The following CDH17 variants were observed in gnomAD, a reference collection of about 807,000 sequenced individuals.
The protein encoded by CDH17 is cadherin 17.
Under a neutral mutation model 86.3 loss-of-function variants are expected in CDH17, and 67 were observed. The observed-to-expected ratio is 0.78, with a 90% CI of 0.64 to 0.95. The LOEUF is 0.95. Among genes scored for constraint, CDH17 ranks in the 40% least tolerant of loss-of-function variants. CDH17 has a pLI of 0.00. For synonymous variants in CDH17, 367 were observed against 366.4 expected (o/e 1.00, Z -0.02); for missense variants, 993 against 1,017.6 (o/e 0.98, Z 0.33).
intron 10 of CDH17, among the ~76,000 whole-genome samples, chr8:94,164,752 C>T (rs759256636): frequency 2.6e-5 from 4 of 152,166 alleles, no homozygotes; most frequent in South Asian, 2.1e-4. Context: ...AAGATTAGTA[C>T]GCATTAACTC....
chr8:94,129,824 T>C (rs942415921), intron 17 of CDH17, among the ~76,000 whole-genome samples: 4 of 152,180 alleles, frequency 2.6e-5, no homozygotes, highest in Non-Finnish European at 5.9e-5. Flanking sequence ...ATACACAATA[T>C]TATTTAAAAT....
Position 94,162,108 on chromosome 8 carries a change from A to C in CDH17, c.1337T>G (p.Ile446Ser). ...CACATCTGATTTTTCAAAGATGGGGATCTGATCATTGATATCAATAACGTT... is the reference window on the plus strand; with the variant it reads ...CACATCTGATTTTTCAAAGATGGGGCTCTGATCATTGATATCAATAACGTT... ...QINVIDINDQIPIFEKSDYGN... is the reference protein window; with the variant it reads ...QINVIDINDQSPIFEKSDYGN... The change falls in exon 11 of 18, where the codon ATC becomes AGC. Residue 446 changes from isoleucine to serine, a missense_variant. By Grantham distance (142) the Ile-to-Ser change is moderately radical (BLOSUM62 -2). Coordinates refer to ENST00000027335, the MANE Select transcript of CDH17 (RefSeq NM_004063.4). The C allele has an allele frequency of 6.2e-7, 1 of 1,602,722 alleles. No individual in the cohort carries two copies. Among genetic ancestry groups the C allele is most frequent in the Non-Finnish European group, 8.5e-7 (1 of 1,169,784 alleles).
At chr8:94,165,176 G>A (rs1005438991) in intron 10 of CDH17, among the ~76,000 whole-genome samples, 10 of 152,182 alleles carry the variant, frequency 6.6e-5, no homozygotes, top group African/African-American at 2.2e-4. Context: ...ATTGACAACA[G>A]CTCCACTGCT....
chr8:94,204,947 A>G (rs1023521788), intron 1 of CDH17, among the ~76,000 whole-genome samples: 4 of 152,180 alleles, frequency 2.6e-5, no homozygotes, highest in Admixed American at 2.0e-4. Context: ...TGATGTTGTA[A>G]CCCATTTATA....
At chr8:94,133,212 T>A (rs1292761072) in intron 15 of CDH17, among the ~76,000 whole-genome samples, 1 of 152,204 alleles carries the variant, frequency 6.6e-6, no homozygotes, top group Non-Finnish European at 1.5e-5. Context: ...AGGTCATTGG[T>A]AGCTTGAAGG....
At chr8:94,166,312 G>A (rs541979473) in intron 9 of CDH17, among the ~76,000 whole-genome samples, 211 of 152,202 alleles carry the variant, frequency 1.4e-3, no homozygotes, top group African/African-American at 4.1e-3. Flanking sequence ...TTTTCCTTCC[G>A]GTGCCTTCAC....
chr8:94,177,196 A>G (rs779844595), intron 4 of CDH17, among the ~76,000 whole-genome samples: 2 of 152,118 alleles, frequency 1.3e-5, no homozygotes, highest in Non-Finnish European at 2.9e-5. Context: ...CCAACGCCCA[A>G]AGGAGCTCCA....
intron 10 of CDH17, among the ~76,000 whole-genome samples, chr8:94,163,036 T>C (rs1341052944): frequency 1.3e-5 from 2 of 152,246 alleles, no homozygotes; most frequent in African/African-American, 2.4e-5. Context: ...ACTCAATTTA[T>C]CTGTAAACTG....
intron 3 of CDH17, among the ~76,000 whole-genome samples, chr8:94,187,033 T>A (rs1421006389): frequency 1.3e-5 from 2 of 152,254 alleles, no homozygotes; most frequent in Non-Finnish European, 2.9e-5. Context: ...CTGCTCGTTT[T>A]TGAGTACTCA....
upstream of CDH17, among the ~76,000 whole-genome samples, chr8:94,212,803 T>C (rs1324242690): frequency 6.6e-6 from 1 of 152,238 alleles, no homozygotes; most frequent in Non-Finnish European, 1.5e-5. Context: ...TCCAAGCAAC[T>C]GCCCAGCAGG....
At position 94,158,756 on chromosome 8, in the gene CDH17, AG is replaced by A. The variant is rs1209323491; in HGVS notation, c.1551+1214del. ...AGCAACCTCTCTGCTGAAATGCAGCAGGGCCCTTGGTTCAAGCTGGAATGTT... is the reference window on the plus strand; with the variant it reads ...AGCAACCTCTCTGCTGAAATGCAGCAGGCCCTTGGTTCAAGCTGGAATGTT... On this transcript the variant is annotated intron_variant, in intron 12 of 17. Transcript: ENST00000027335. Among the ~76,000 whole-genome samples, 3 of 152,228 alleles carry A rather than the reference AG, an allele frequency of 2.0e-5. No homozygotes were observed. The South Asian group carries it at 6.2e-4, about 31-fold the overall frequency.
In CDH17 at chr8:94,159,883, A is replaced by T. The variant is rs184473306; in HGVS notation, c.1551+88T>A. On this transcript the variant is annotated intron_variant, in intron 12 of 17. Coordinates refer to ENST00000027335, the MANE Select transcript of CDH17 (RefSeq NM_004063.4). ...ATGCCTGAGAGATGGCTGCTAATAC[A>T]TCACCTCTGCTTATAGGTCTTCACA... The T allele has an allele frequency of 9.3e-5, 89 of 961,158 alleles. 1 individual carries two copies. Among genetic ancestry groups the T allele is most frequent in the African/African-American group, 9.0e-4 (54 of 60,084 alleles). The allele number at this position is 961,158 out of a possible 1,614,324, so 59.5% of individuals were successfully genotyped here. A position where few individuals can be genotyped will look rare whatever the true frequency, so the allele number is the denominator to read the frequency against.
At chr8:94,192,906 G>T (rs879622884) in intron 2 of CDH17, among the ~76,000 whole-genome samples, 2 of 152,208 alleles carry the variant, frequency 1.3e-5, no homozygotes, top group Non-Finnish European at 2.9e-5. Context: ...TCGCAGTCTG[G>T]AGTAAATTAG....
rs1812319195 is a variant in CDH17, at chr8:94,127,209, C to G, written c.*1031G>C. On this transcript the variant is annotated 3_prime_UTR_variant, in exon 18 of 18. Coordinates refer to ENST00000027335, the MANE Select transcript of CDH17 (RefSeq NM_004063.4). The stretch of plus-strand genomic sequence containing the variant: ...ACCAGTGTTTATTCTTGATTTGTCA[C>G]CACTCTTTTCATGTCTTGTTTTCTT... The G allele has an allele frequency of 6.6e-6, 1 of 152,230 alleles. No homozygotes were observed. The highest frequency in any genetic ancestry group is 1.5e-5 in the Non-Finnish European group (1 of 68,044). 9.4% of individuals were successfully genotyped at this position (152,230 alleles called of 1,614,324 possible). A position where few individuals can be genotyped will look rare whatever the true frequency, so the allele number is the denominator to read the frequency against.
At chr8:94,165,426 C>T (rs1459848602) in intron 10 of CDH17, among the ~76,000 whole-genome samples, 1 of 152,140 alleles carries the variant, frequency 6.6e-6, no homozygotes, top group Non-Finnish European at 1.5e-5. Flanking sequence ...AGGCATCAGG[C>T]TTGTATTTAG....
chr8:94,208,559 G>T (rs1413345663), upstream of CDH17: 1 of 152,156 alleles, frequency 6.6e-6, no homozygotes, highest in Non-Finnish European at 1.5e-5. Flanking sequence ...TACGACTGGA[G>T]TATCTCCCCC....
rs182078418 is a variant in CDH17, at chr8:94,208,173, T to G, written c.-21+310A>C. On this transcript the variant is annotated intron_variant, in intron 1 of 17. Transcript: ENST00000027335. ...TTATATACTCATCACAAAGAATGGA[T>G]GTGATACTTGTTTAAACATCAGAGA... is the stretch of plus-strand genomic sequence containing the variant. Among the ~76,000 whole-genome samples the G allele has an allele frequency of 1.0e-3, 155 of 152,326 alleles. 1 individual carries two copies. Among genetic ancestry groups the G allele is most frequent in the Admixed American group, 9.0e-3 (138 of 15,300 alleles).
Position 94,157,554 on chromosome 8 carries a change from G to A in CDH17, c.1551+2417C>T, listed in dbSNP as rs187279459. Reference sequence around the variant, plus strand: ...GCCAACACTATCTCAATTAGAACTAGAAAGTTTGTTAATTAGCAAAGTGAT... The same window carrying A: ...GCCAACACTATCTCAATTAGAACTAAAAAGTTTGTTAATTAGCAAAGTGAT... On this transcript the variant is annotated intron_variant, in intron 12 of 17. Transcript: ENST00000027335. Among the ~76,000 whole-genome samples the A allele has an allele frequency of 2.6e-5, 4 of 152,268 alleles. No individual in the cohort carries two copies. The East Asian group carries it at 7.7e-4, about 29-fold the overall frequency.
At chr8:94,211,553 T>C (rs1340508173), upstream of CDH17, among the ~76,000 whole-genome samples, 2 of 152,226 alleles carry the variant, frequency 1.3e-5, no homozygotes, top group African/African-American at 4.8e-5. Context: ...CCTCAGGTGA[T>C]CTGCCTGCCT....
Sources: allele counts gnomAD v4.1 joint callset (sites outside exome capture counted in the v4.1 genomes callset), GRCh38; gene constraint gnomAD v4.1.1; transcripts MANE v1.5; gene names NCBI Gene and HGNC (gene_info 2026-07-23, HGNC 2026-07-21).